The following INPP4B variants were observed in gnomAD, a reference collection of about 807,000 sequenced individuals.
INPP4B encodes the protein inositol polyphosphate-4-phosphatase type II B, also known as inositol polyphosphate 4-phosphatase type II.
In INPP4B, 55 loss-of-function variants were observed where a neutral mutation model predicts 122.5. The ratio of observed to expected loss-of-function variants is 0.45; its 90% confidence interval spans 0.36 to 0.56. INPP4B has a LOEUF of 0.56. Ranked by LOEUF, INPP4B falls within the 20% of genes least tolerant of loss-of-function variation. The pLI is 0.00. For missense variants in INPP4B, 1,000 were observed against 1,097.7 expected (o/e 0.91, Z 1.26); for synonymous variants, 403 against 388.7 (o/e 1.04, Z -0.43).
At chr4:142,220,893 T>C (rs1281110138) in intron 12 of INPP4B, among the ~76,000 whole-genome samples, 2 of 152,130 alleles carry the variant, frequency 1.3e-5, no homozygotes, top group Admixed American at 6.5e-5. Flanking sequence ...TTTCCTCCTA[T>C]ATGAACATCA....
intron 11 of INPP4B, among the ~76,000 whole-genome samples, chr4:142,258,459 C>T (rs1737733908): frequency 6.6e-6 from 1 of 152,166 alleles, no homozygotes; most frequent in African/African-American, 2.4e-5. Context: ...ACTCATCTGA[C>T]AAAGGACTAA....
chr4:142,071,318 C>A lies in INPP4B; in HGVS notation c.2642+10713G>T, dbSNP rs1280036152. On this transcript the variant is annotated intron_variant, in intron 25 of 25. Transcript: ENST00000262992. Reference sequence around the variant, plus strand: ...TTGAAACTGGATCCCTTCCTTAAACCTTATACAAAAATTAATTCAAGATGG... The same window carrying A: ...TTGAAACTGGATCCCTTCCTTAAACATTATACAAAAATTAATTCAAGATGG... Among the ~76,000 whole-genome samples, 4 of 152,224 alleles carry A rather than the reference C, an allele frequency of 2.6e-5. No homozygotes were observed. The East Asian group carries it at 7.7e-4, about 29-fold the overall frequency.
chr4:142,692,603 G>C (rs1436009468), intron 2 of INPP4B, among the ~76,000 whole-genome samples: 1 of 152,134 alleles, frequency 6.6e-6, no homozygotes, highest in African/African-American at 2.4e-5. Context: ...CTATTCTTTC[G>C]AGCAGATCTG....
chr4:142,402,058 C>G (rs901732913), intron 7 of INPP4B, among the ~76,000 whole-genome samples: 1 of 152,128 alleles, frequency 6.6e-6, no homozygotes. Flanking sequence ...GTGACATTTT[C>G]CCTATACAAG....
chr4:142,763,401 G>A (rs192224439), intron 1 of INPP4B, among the ~76,000 whole-genome samples: 23 of 152,224 alleles, frequency 1.5e-4, no homozygotes, highest in African/African-American at 5.5e-4. Flanking sequence ...ATTAATTAAT[G>A]TTCCCCCTTG....
chr4:142,077,550 AAT>A (rs1771472601), intron 25 of INPP4B, among the ~76,000 whole-genome samples: 1 of 151,924 alleles, frequency 6.6e-6, no homozygotes, highest in Non-Finnish European at 1.5e-5. Flanking sequence ...CTATTAATCA[AAT>A]ATAAGTTTGA....
chr4:142,826,501 C>A (rs1315574738), intron 1 of INPP4B, among the ~76,000 whole-genome samples: 4 of 146,466 alleles, frequency 2.7e-5, no homozygotes, highest in Non-Finnish European at 4.6e-5. Context: ...TAAAATCACA[C>A]ACACACACAC....
At chr4:142,408,864 G>A (rs962084487) in intron 5 of INPP4B, among the ~76,000 whole-genome samples, 1 of 152,170 alleles carries the variant, frequency 6.6e-6, no homozygotes, top group African/African-American at 2.4e-5. Context: ...GACCTCAGAA[G>A]AGTTTAAATA....
At chr4:142,304,370 A>G (rs1762586924) in intron 9 of INPP4B, among the ~76,000 whole-genome samples, 2 of 152,122 alleles carry the variant, frequency 1.3e-5, no homozygotes, top group African/African-American at 4.8e-5. Flanking sequence ...CACCGACACC[A>G]TATGTTTAGG....
intron 1 of INPP4B, among the ~76,000 whole-genome samples, chr4:142,737,398 T>C (rs906743712): frequency 7.9e-5 from 12 of 152,176 alleles, no homozygotes; most frequent in African/African-American, 2.9e-4. Flanking sequence ...CTGGGAAAAC[T>C]GGCTAGCTAT....
At chr4:142,198,977 T>C (rs191354007) in intron 14 of INPP4B, among the ~76,000 whole-genome samples, 2 of 152,206 alleles carry the variant, frequency 1.3e-5, no homozygotes, top group East Asian at 3.9e-4. Flanking sequence ...GATCTTTGTG[T>C]AATGTATCCA....
intron 2 of INPP4B, among the ~76,000 whole-genome samples, chr4:142,610,829 C>T (rs188802678): frequency 4.7e-4 from 72 of 152,130 alleles, no homozygotes; most frequent in Middle Eastern, 3.4e-3. Flanking sequence ...AAGTTGCATG[C>T]CAATGGAAGC....
At chr4:142,524,884 C>T (rs1304307102) in intron 2 of INPP4B, among the ~76,000 whole-genome samples, 3 of 151,868 alleles carry the variant, frequency 2.0e-5, no homozygotes, top group Admixed American at 6.6e-5. Flanking sequence ...GAAGTTCTGG[C>T]CAGGGCAATC....
intron 2 of INPP4B, among the ~76,000 whole-genome samples, chr4:142,698,665 A>C (rs1761326421): frequency 6.6e-6 from 1 of 152,182 alleles, no homozygotes; most frequent in African/African-American, 2.4e-5. Context: ...GGCAGTTACA[A>C]AGACTTTTCC....
At chr4:142,461,993 C>T (rs1816836536) in intron 3 of INPP4B, among the ~76,000 whole-genome samples, 1 of 152,100 alleles carries the variant, frequency 6.6e-6, no homozygotes, top group Non-Finnish European at 1.5e-5. Context: ...TATTTTCAAC[C>T]CGGCTTCATT....
chr4:142,042,728 A>G (rs1748861388), intron 25 of INPP4B, among the ~76,000 whole-genome samples: 1 of 151,994 alleles, frequency 6.6e-6, no homozygotes, highest in South Asian at 2.1e-4. Flanking sequence ...ATGACTGGCT[A>G]ATTTTTATAT....
intron 17 of INPP4B, among the ~76,000 whole-genome samples, chr4:142,155,328 G>T (rs1816615938): frequency 6.6e-6 from 1 of 152,082 alleles, no homozygotes; most frequent in Admixed American, 6.6e-5. Context: ...TCTGCATTAT[G>T]CATGGTCTCA....
At chr4:142,438,029 C>T (rs1810911352) in intron 3 of INPP4B, among the ~76,000 whole-genome samples, 1 of 152,044 alleles carries the variant, frequency 6.6e-6, no homozygotes, top group Admixed American at 6.6e-5. Context: ...GAACTATAAA[C>T]CACTGCTCAA....
intron 2 of INPP4B, among the ~76,000 whole-genome samples, chr4:142,712,012 C>G (rs773034099): frequency 6.6e-6 from 1 of 152,088 alleles, no homozygotes; most frequent in African/African-American, 2.4e-5. Flanking sequence ...TGTGCCACTG[C>G]ACTCCAGCCT....
Sources: gnomAD v4.1 joint callset for allele counts (sites outside exome capture counted in the v4.1 genomes callset) on GRCh38, gnomAD v4.1.1 for gene constraint, MANE v1.5 for transcripts, NCBI Gene and HGNC (gene_info 2026-07-23, HGNC 2026-07-21) for gene names.